The following ABI2 variants were observed in gnomAD, a reference collection of about 807,000 sequenced individuals.
ABI2 encodes the protein abl interactor 2.
In ABI2, 25 loss-of-function variants were observed where a neutral mutation model predicts 59.2. That is an observed-to-expected ratio of 0.42 (90% CI 0.31 to 0.59). ABI2 has a LOEUF of 0.59. Ranked by LOEUF, ABI2 falls within the 20% of genes least tolerant of loss-of-function variation. ABI2 has a pLI of 0.14. For missense variants in ABI2, 545 were observed against 681.8 expected (o/e 0.80, Z 2.23); for synonymous variants, 213 against 235.5 (o/e 0.90, Z 0.87).
chr2:203,334,036 G>T (rs1397725147), intron 1 of ABI2, among the ~76,000 whole-genome samples: 2 of 151,688 alleles, frequency 1.3e-5, no homozygotes, highest in African/African-American at 4.8e-5. Context: ...CGGCTCCTGG[G>T]TTCAAGCAAT....
At chr2:203,397,222 AT>A (rs1189850592) in intron 8 of ABI2, among the ~76,000 whole-genome samples, 5 of 152,080 alleles carry the variant, frequency 3.3e-5, no homozygotes, top group South Asian at 2.1e-4. Flanking sequence ...TTTATTAGAG[AT>A]TTTTAAGTTT....
chr2:203,385,066 C>T (rs1578389875), intron 4 of ABI2, among the ~76,000 whole-genome samples: 1 of 151,514 alleles, frequency 6.6e-6, no homozygotes, highest in Admixed American at 6.6e-5. Context: ...AACTCCTGAC[C>T]TTGTGATCCA....
At position 203,377,609 on chromosome 2, in the gene ABI2, A is replaced by G. The variant is rs546498983; in HGVS notation, c.286-2599A>G. 2.2e-4 allele frequency among the ~76,000 whole-genome samples: 34 copies of G among 152,300 alleles called. No homozygotes were observed. The South Asian group carries it at 7.0e-3, about 32-fold the overall frequency. ...TACTTTTAATGATTTAGAATGACTC[A>G]CTAAACTTTATTCAAGGCCAGTACA... On this transcript the variant is annotated intron_variant, in intron 2 of 11. Transcript: ENST00000261018.
rs139867075 is a variant in ABI2, at chr2:203,417,993, A to G, written c.1453+912A>G. 2.0e-3 allele frequency among the ~76,000 whole-genome samples: 304 copies of G among 152,336 alleles called. 1 individual carries two copies. The highest frequency in any genetic ancestry group is 5.9e-3 in the Admixed American group (90 of 15,302). ...AGAGAGAGAGAAAGAGAAACATAAT[A>G]TTTCTGGAGACGAAAAACACATGCT... is the stretch of plus-strand genomic sequence containing the variant. On this transcript the variant is annotated intron_variant, in intron 11 of 11. Coordinates refer to ENST00000261018, the MANE Select transcript of ABI2 (RefSeq NM_001375670.1).
chr2:203,374,637 A>G (rs2095558290), intron 2 of ABI2, among the ~76,000 whole-genome samples: 1 of 152,028 alleles, frequency 6.6e-6, no homozygotes, highest in Admixed American at 6.6e-5. Context: ...ATATCACTTT[A>G]TATAAAAAAA....
At chr2:203,334,853 G>A (rs555182509) in intron 1 of ABI2, among the ~76,000 whole-genome samples, 9 of 152,132 alleles carry the variant, frequency 5.9e-5, no homozygotes, top group Admixed American at 1.3e-4. Context: ...TAGAGACGGG[G>A]TTTCACCGTA....
rs1581219388 is a variant in ABI2, at chr2:203,430,761, G to C, written c.*3409G>C. ...TCATCCCCTCCTTTTTCCTACTGCT[G>C]GTGTTTATTATCCAGCTAGACAATA... On this transcript the variant is annotated 3_prime_UTR_variant, in exon 12 of 12. Coordinates refer to ENST00000261018, the MANE Select transcript of ABI2 (RefSeq NM_001375670.1). 6.6e-6 allele frequency: 1 copy of C among 152,218 alleles called. No individual in the cohort carries two copies. The highest frequency in any genetic ancestry group is 1.9e-4 in the East Asian group (1 of 5,184). The allele number at this position is 152,218 out of a possible 1,614,324, so 9.4% of individuals were successfully genotyped here.
intron 11 of ABI2, 50 bp from the exon 12 acceptor site, chr2:203,427,127 C>T: frequency 6.5e-7 from 1 of 1,539,932 alleles, no homozygotes; most frequent in Non-Finnish European, 8.9e-7. Context: ...TTCTGTCTTT[C>T]TAGGAATATT....
At chr2:203,423,958 T>C (rs1411972878) in intron 11 of ABI2, among the ~76,000 whole-genome samples, 1 of 152,242 alleles carries the variant, frequency 6.6e-6, no homozygotes, top group East Asian at 1.9e-4. Flanking sequence ...CAGAAACATT[T>C]AGAAGAACAA....
chr2:203,338,920 G>A (rs1369369701), intron 1 of ABI2, among the ~76,000 whole-genome samples: 2 of 37,704 alleles, frequency 5.3e-5, no homozygotes, highest in Non-Finnish European at 1.1e-4. Context: ...GTGTGTGTGT[G>A]TGTGTGTGTA....
intron 11 of ABI2, among the ~76,000 whole-genome samples, chr2:203,420,826 G>A (rs567777506): frequency 4.6e-5 from 7 of 152,174 alleles, no homozygotes; most frequent in Non-Finnish European, 7.4e-5. Context: ...AGAACATGGC[G>A]TTCTTGGTGC....
chr2:203,407,733 T>A (rs117282455), intron 9 of ABI2, among the ~76,000 whole-genome samples: 1 of 152,226 alleles, frequency 6.6e-6, no homozygotes, highest in African/African-American at 2.4e-5. Context: ...TCTTGTCTTA[T>A]GAGGAATCAT....
At chr2:203,372,127 ACT>A (rs1461331140) in intron 2 of ABI2, among the ~76,000 whole-genome samples, 9 of 151,456 alleles carry the variant, frequency 5.9e-5, no homozygotes, top group Admixed American at 5.9e-4. Flanking sequence ...AGTGGTGATG[ACT>A]CTTAACGAGC....
At chr2:203,333,309 A>T (rs949616969) in intron 1 of ABI2, among the ~76,000 whole-genome samples, 1 of 152,204 alleles carries the variant, frequency 6.6e-6, no homozygotes, top group Non-Finnish European at 1.5e-5. Flanking sequence ...GCACAACTAT[A>T]TATCAATATT....
intron 1 of ABI2, among the ~76,000 whole-genome samples, chr2:203,331,668 C>G (rs1195679928): frequency 6.6e-6 from 1 of 150,804 alleles, no homozygotes; most frequent in Non-Finnish European, 1.5e-5. Context: ...CCAATTTAGC[C>G]TTATTATAGC....
At chr2:203,350,715 T>C (rs1309828278) in intron 1 of ABI2, among the ~76,000 whole-genome samples, 1 of 151,676 alleles carries the variant, frequency 6.6e-6, no homozygotes, top group East Asian at 1.9e-4. Context: ...AATTTTTATA[T>C]TTTTATTAGA....
intron 11 of ABI2, among the ~76,000 whole-genome samples, chr2:203,418,563 G>T (rs986595159): frequency 8.5e-5 from 13 of 152,220 alleles, no homozygotes; most frequent in African/African-American, 2.9e-4. Context: ...TTCTCCGTAG[G>T]GCAGCTCACA....
intron 9 of ABI2, among the ~76,000 whole-genome samples, chr2:203,408,295 T>TG (rs1397256874): frequency 1.3e-5 from 2 of 151,946 alleles, no homozygotes; most frequent in Non-Finnish European, 2.9e-5. Flanking sequence ...CCCGAGTAGC[T>TG]GGGGTTACAG....
At chr2:203,379,766 G>A (rs1282756640) in intron 2 of ABI2, among the ~76,000 whole-genome samples, 1 of 152,130 alleles carries the variant, frequency 6.6e-6, no homozygotes, top group Non-Finnish European at 1.5e-5. Flanking sequence ...ATATACTTCA[G>A]TTTTTGTGGG....
Sources: allele counts gnomAD v4.1 joint callset (sites outside exome capture counted in the v4.1 genomes callset), GRCh38; gene constraint gnomAD v4.1.1; transcripts MANE v1.5; gene names NCBI Gene and HGNC (gene_info 2026-07-23, HGNC 2026-07-21).